The following CDKL3 variants were observed in gnomAD, a reference collection of about 807,000 sequenced individuals.
CDKL3 encodes cyclin dependent kinase like 3.
In CDKL3, 65 loss-of-function variants were observed where a neutral mutation model predicts 69.3. That is an observed-to-expected ratio of 0.94 (90% CI 0.77 to 1.15). The LOEUF is 1.15. Among genes scored for constraint, CDKL3 ranks in the 50% most tolerant of loss-of-function variants. CDKL3 has a pLI of 0.00. For missense variants in CDKL3, 652 were observed against 689.2 expected (o/e 0.95, Z 0.61); for synonymous variants, 202 against 221.6 (o/e 0.91, Z 0.79).
intron 7 of CDKL3, among the ~76,000 whole-genome samples, chr5:134,310,049 T>C (rs1768988574): frequency 6.6e-6 from 1 of 152,168 alleles, no homozygotes; most frequent in Non-Finnish European, 1.5e-5. Context: ...CAGGCTGGTC[T>C]TGAACTCCTA....
At chr5:134,283,558 G>T (rs1466450338), downstream of CDKL3, among the ~76,000 whole-genome samples, 2 of 152,096 alleles carry the variant, frequency 1.3e-5, no homozygotes, top group Admixed American at 6.6e-5. Context: ...CTGCCTCCAA[G>T]ATTCAATTAC....
upstream of CDKL3, chr5:134,371,584 C>T (rs371691768): frequency 2.2e-5 from 35 of 1,612,088 alleles, no homozygotes; most frequent in Middle Eastern, 1.7e-4. Context: ...GACCGCGGGG[C>T]AGCTGCGGAG....
chr5:134,326,866 T>TACACAC (rs1219130463), intron 4 of CDKL3, among the ~76,000 whole-genome samples: 1 of 98,262 alleles, frequency 1.0e-5, no homozygotes, highest in African/African-American at 5.9e-5. Flanking sequence ...TATATATATA[T>TACACAC]ACACACACAC....
At chr5:134,307,987 A>G (rs1339877406) in intron 9 of CDKL3, 151 bp downstream of exon 9, 1 of 1,229,920 alleles carries the variant, frequency 8.1e-7, no homozygotes, top group Non-Finnish European at 1.1e-6. Context: ...CATCCATAAG[A>G]AACACTCAGT....
chr5:134,363,713 G>T (rs1482064456), intron 2 of CDKL3, among the ~76,000 whole-genome samples: 1 of 151,756 alleles, frequency 6.6e-6, no homozygotes, highest in South Asian at 2.1e-4. Context: ...CGCCCGCCTC[G>T]GCCTCCCAAA....
Position 134,321,769 on chromosome 5 carries a change from A to G in CDKL3, c.652+22T>C, listed in dbSNP as rs771650637. The G allele has an allele frequency of 5.0e-6, 6 of 1,199,736 alleles. No homozygotes were observed. In the East Asian group the frequency reaches 1.2e-4, roughly 23 times the overall value. 74.3% of individuals were successfully genotyped at this position (1,199,736 alleles called of 1,614,324 possible). ...AATATTTATTTTAGACATGTAACTC[A>G]TGTTATTTCAGTAATACCTACCCAC... On this transcript the variant is annotated intron_variant, in intron 5 of 12. Transcript: ENST00000265334.
chr5:134,330,495 G>C (rs1428140664), intron 4 of CDKL3, among the ~76,000 whole-genome samples: 3 of 152,116 alleles, frequency 2.0e-5, no homozygotes, highest in Non-Finnish European at 4.4e-5. Flanking sequence ...CAGGCAGAGT[G>C]CTTGAGCTCA....
chr5:134,320,942 C>T (rs911325139), intron 5 of CDKL3, among the ~76,000 whole-genome samples: 3 of 151,012 alleles, frequency 2.0e-5, no homozygotes, highest in Admixed American at 2.0e-4. Context: ...TCAAGGCTAA[C>T]CATCATAATG....
chr5:134,284,065 T>C (rs1427803471), downstream of CDKL3, among the ~76,000 whole-genome samples: 2 of 152,180 alleles, frequency 1.3e-5, no homozygotes, highest in Non-Finnish European at 2.9e-5. Flanking sequence ...TCTATGGCTT[T>C]GCAGGGTACA....
At chr5:134,335,828 T>C (rs1047877721) in intron 4 of CDKL3, among the ~76,000 whole-genome samples, 10 of 152,152 alleles carry the variant, frequency 6.6e-5, no homozygotes, top group Non-Finnish European at 1.5e-4. Context: ...AGGAGTATCT[T>C]TGTGGTGTTC....
chr5:134,358,559 C>CT (rs888895734), intron 3 of CDKL3, among the ~76,000 whole-genome samples: 5 of 151,732 alleles, frequency 3.3e-5, no homozygotes, highest in Admixed American at 6.6e-5. Flanking sequence ...CTTAACACAA[C>CT]TATTAATATT....
chr5:134,302,223 C>T (rs773252595), intron 12 of CDKL3: 6 of 457,138 alleles, frequency 1.3e-5, no homozygotes, highest in African/African-American at 6.0e-5. Context: ...GGAGAGAAAA[C>T]GAAGGAAGGA....
chr5:134,296,332 G>A (rs1011109034), downstream of CDKL3, among the ~76,000 whole-genome samples: 2 of 152,152 alleles, frequency 1.3e-5, no homozygotes, highest in African/African-American at 4.8e-5. Flanking sequence ...GACTGAAGGT[G>A]CTTTCTCTTC....
At chr5:134,289,713 T>C (rs1765039229) in intron 8 of CDKL3, among the ~76,000 whole-genome samples, 1 of 152,194 alleles carries the variant, frequency 6.6e-6, no homozygotes, top group East Asian at 1.9e-4. Flanking sequence ...TGCTGGACTG[T>C]GGGCTCCCTC....
At chr5:134,345,679 T>A (rs533796483) in intron 4 of CDKL3, among the ~76,000 whole-genome samples, 19 of 152,208 alleles carry the variant, frequency 1.2e-4, no homozygotes, top group African/African-American at 3.9e-4. Context: ...AGATGCTCAG[T>A]GGGGGAGCTT....
chr5:134,347,697 TAAAAAAAAAAAAA>T (rs1175296441), intron 4 of CDKL3, among the ~76,000 whole-genome samples: 2 of 52,826 alleles, frequency 3.8e-5, no homozygotes, highest in Admixed American at 2.3e-4. Flanking sequence ...CCATCTCTGC[TAAAAAAAAAAAAA>T]AAAAAAAAAA....
At chr5:134,335,958 CA>C (rs1777001633) in intron 4 of CDKL3, among the ~76,000 whole-genome samples, 1 of 152,182 alleles carries the variant, frequency 6.6e-6, no homozygotes, top group Non-Finnish European at 1.5e-5. Context: ...TCAGGTACAC[CA>C]ATCAAACGTA....
intron 8 of CDKL3, among the ~76,000 whole-genome samples, chr5:134,287,076 G>C (rs1764902151): frequency 6.6e-6 from 1 of 152,014 alleles, no homozygotes; most frequent in African/African-American, 2.4e-5. Context: ...CAGGGAAACA[G>C]GTAGGAAGAA....
intron 6 of CDKL3, among the ~76,000 whole-genome samples, chr5:134,316,121 T>C (rs1043367508): frequency 1.3e-5 from 2 of 151,974 alleles, no homozygotes; most frequent in African/African-American, 4.8e-5. Flanking sequence ...CCTGGCTAGT[T>C]TTTTGTTTTT....
Sources: allele counts gnomAD v4.1 joint callset (sites outside exome capture counted in the v4.1 genomes callset), GRCh38; gene constraint gnomAD v4.1.1; transcripts MANE v1.5; gene names NCBI Gene and HGNC (gene_info 2026-07-23, HGNC 2026-07-21).